C8orf88: variants seen among roughly 807,000 people sequenced by gnomAD.
The protein encoded by C8orf88 is chromosome 8 open reading frame 88, also known as uncharacterized protein C8orf88.
C8orf88 carries 14 observed loss-of-function variants against 18.4 expected under a neutral mutation model. The ratio of observed to expected loss-of-function variants is 0.76; its 90% CI spans 0.50 to 1.19. The LOEUF (loss-of-function observed/expected upper bound fraction) is 1.19. C8orf88 is among the 50% of genes most tolerant of loss of function. The probability of loss-of-function intolerance (pLI) is 0.00; values close to 1 mark genes in which losing one functional copy is unlikely to be tolerated. For missense variants in C8orf88, 116 were observed against 134.7 expected, an observed-to-expected ratio of 0.86 and a Z score of 0.69; for synonymous variants, 45 against 42.9, an observed-to-expected ratio of 1.05 and a Z score of -0.19.
In C8orf88 at chr8:90,980,685, C is replaced by A. The variant is rs1230203418; in HGVS notation, c.-26-224G>T. Reference sequence around the variant, plus strand: ...AACATTTTCTTTAACTTTACTGACTCTATATTTCTGTTTTTCTTTTCTTTT... The same window carrying A: ...AACATTTTCTTTAACTTTACTGACTATATATTTCTGTTTTTCTTTTCTTTT... On this transcript the variant is annotated intron_variant, in intron 1 of 5. Transcript: ENST00000517562. Among the ~76,000 whole-genome samples, 13 of 151,932 alleles carry A rather than the reference C, an allele frequency of 8.6e-5. No individual in the cohort carries two copies. The South Asian group carries it at 2.7e-3, about 31-fold the overall frequency.
chr8:90,962,117 GAA>G (rs1811136227), intron 4 of C8orf88, among the ~76,000 whole-genome samples: 1 of 151,436 alleles, frequency 6.6e-6, no homozygotes, highest in Admixed American at 6.6e-5. Flanking sequence ...ATACATCGAG[GAA>G]AAATTAACTT....
chr8:90,982,187 C>G (rs539276964), intron 1 of C8orf88, among the ~76,000 whole-genome samples: 180 of 151,954 alleles, frequency 1.2e-3, no homozygotes, highest in African/African-American at 4.3e-3. Flanking sequence ...AACTAATGCT[C>G]TCTGTACTTT....
chr8:90,977,861 C>A (rs1451266427), intron 3 of C8orf88, among the ~76,000 whole-genome samples: 1 of 152,066 alleles, frequency 6.6e-6, no homozygotes. Flanking sequence ...GCAGGAGAAT[C>A]GCTTGACCCC....
chr8:90,982,283 T>A (rs2130328361), intron 1 of C8orf88, among the ~76,000 whole-genome samples: 1 of 152,266 alleles, frequency 6.6e-6, no homozygotes, highest in Admixed American at 6.5e-5. Context: ...TTATTAATAT[T>A]TTCTATGTAG....
chr8:90,967,617 T>G (rs972089460), intron 4 of C8orf88, among the ~76,000 whole-genome samples: 1 of 151,804 alleles, frequency 6.6e-6, no homozygotes. Context: ...TGTTCAGATT[T>G]TATATTTCTT....
At chr8:90,978,486 A>G in intron 3 of C8orf88, 93 bp downstream of exon 3, 1 of 627,070 alleles carries the variant, frequency 1.6e-6, no homozygotes, top group East Asian at 3.1e-5. Context: ...TTTATAAAGT[A>G]TATAAGCATA....
At chr8:90,970,454 A>C (rs1252829375) in intron 4 of C8orf88, among the ~76,000 whole-genome samples, 2 of 152,018 alleles carry the variant, frequency 1.3e-5, no homozygotes, top group East Asian at 3.9e-4. Context: ...TTTTATTTTT[A>C]AAATAGCTAG....
chr8:90,967,440 CT>C (rs1162899933), intron 4 of C8orf88, among the ~76,000 whole-genome samples: 1 of 151,760 alleles, frequency 6.6e-6, no homozygotes. Context: ...AGTGTTACCC[CT>C]CTTCATGTTT....
chr8:90,978,680 A>G (rs1381644327), intron 2 of C8orf88, 28 bp from the exon 3 acceptor site: 1 of 1,284,676 alleles, frequency 7.8e-7, no homozygotes, highest in Non-Finnish European at 1.1e-6. Flanking sequence ...AAACAATTTC[A>G]TAGATCTATT....
chr8:90,978,716 A>T, intron 2 of C8orf88, 64 bp from the exon 3 acceptor site: 1 of 952,844 alleles, frequency 1.0e-6, no homozygotes, highest in Non-Finnish European at 1.5e-6. Flanking sequence ...ATAATCAACT[A>T]AAAAGCTTAA....
Position 90,970,972 on chromosome 8 carries a change from A to G in C8orf88, c.223+94T>C, listed in dbSNP as rs188083305. Reference sequence around the variant, plus strand: ...ATCAAAAAATATATAATAAAATTTCATATAAGTTTGCATCTAAGTGATAAA... The same window carrying G: ...ATCAAAAAATATATAATAAAATTTCGTATAAGTTTGCATCTAAGTGATAAA... On this transcript the variant is annotated intron_variant, in intron 4 of 5. Coordinates refer to ENST00000517562, the MANE Select transcript of C8orf88 (RefSeq NM_001190972.2). 6.3e-4 allele frequency: 407 copies of G among 646,068 alleles called. No individual in the cohort carries two copies. The African/African-American group carries it at 6.6e-3, about 10-fold the overall frequency. The allele number at this position is 646,068 out of a possible 1,614,324, so 40.0% of individuals were successfully genotyped here. A position where few individuals can be genotyped will look rare whatever the true frequency, so the allele number is the denominator to read the frequency against.
chr8:90,978,016 A>G (rs1169670181), intron 3 of C8orf88, among the ~76,000 whole-genome samples: 1 of 152,176 alleles, frequency 6.6e-6, no homozygotes, highest in Non-Finnish European at 1.5e-5. Flanking sequence ...AAACTGGTAC[A>G]ATGCATCTGG....
chr8:90,972,322 G>A (rs537123949), intron 3 of C8orf88, among the ~76,000 whole-genome samples: 12 of 151,830 alleles, frequency 7.9e-5, no homozygotes, highest in African/African-American at 1.4e-4. Context: ...TTTTTAAGTA[G>A]AGGAGAAAAA....
intron 5 of C8orf88, 115 bp downstream of exon 5, chr8:90,960,627 T>C (rs1811111640): frequency 1.9e-6 from 1 of 515,620 alleles, no homozygotes; most frequent in African/African-American, 2.0e-5. Flanking sequence ...TTTTCTGAAT[T>C]ACTTATATCT....
intron 3 of C8orf88, among the ~76,000 whole-genome samples, chr8:90,972,723 T>A (rs1036945153): frequency 6.6e-6 from 1 of 151,838 alleles, no homozygotes; most frequent in Non-Finnish European, 1.5e-5. Flanking sequence ...ACCAGAAGAG[T>A]TTGGTGACCA....
Position 90,979,092 on chromosome 8 carries a change from T to A in C8orf88, c.74-440A>T, listed in dbSNP as rs192771844. On this transcript the variant is annotated intron_variant, in intron 2 of 5. Transcript: ENST00000517562. ...ATGGCCAGGGAGTATGTAAGCGTGTTAAGAAACACCAAAATTAATTTCTGA... is the reference window on the plus strand; with the variant it reads ...ATGGCCAGGGAGTATGTAAGCGTGTAAAGAAACACCAAAATTAATTTCTGA... Among the ~76,000 whole-genome samples, 666 of 152,288 alleles carry A rather than the reference T, an allele frequency of 4.4e-3. 5 individuals carry two copies. Among genetic ancestry groups the A allele is most frequent in the African/African-American group, 0.015 (612 of 41,562 alleles).
intron 3 of C8orf88, among the ~76,000 whole-genome samples, chr8:90,972,511 A>G (rs1811297722): frequency 6.6e-6 from 1 of 152,104 alleles, no homozygotes; most frequent in Admixed American, 6.6e-5. Context: ...TCTAAAATCA[A>G]ACTTGAAGGT....
Position 90,966,229 on chromosome 8 carries a change from C to T in C8orf88, c.223+4837G>A, listed in dbSNP as rs192213255. On this transcript the variant is annotated intron_variant, in intron 4 of 5. Transcript: ENST00000517562. Reference sequence around the variant, plus strand: ...GGACATGGATGAAATTGGAAATCGTCGTTCTCAGTAAACTATCGCAAGAAT... The same window carrying T: ...GGACATGGATGAAATTGGAAATCGTTGTTCTCAGTAAACTATCGCAAGAAT... 4.9e-4 allele frequency among the ~76,000 whole-genome samples: 74 copies of T among 151,316 alleles called. No individual in the cohort carries two copies. The East Asian group carries it at 8.6e-3, about 18-fold the overall frequency.
intron 3 of C8orf88, among the ~76,000 whole-genome samples, chr8:90,974,344 A>C (rs1811319655): frequency 6.6e-6 from 1 of 152,162 alleles, no homozygotes; most frequent in Non-Finnish European, 1.5e-5. Flanking sequence ...AGCCCAAGCC[A>C]CTTGGAAAGG....
Sources: allele counts gnomAD v4.1 joint callset (sites outside exome capture counted in the v4.1 genomes callset), GRCh38; gene constraint gnomAD v4.1.1; transcripts MANE v1.5; gene names NCBI Gene and HGNC (gene_info 2026-07-23, HGNC 2026-07-21).